CNST: variants seen among roughly 807,000 people sequenced by gnomAD.
CNST encodes consortin, connexin sorting protein.
A neutral mutation model predicts 72.4 loss-of-function variants in CNST; 39 were observed. The ratio of observed to expected loss-of-function variants is 0.54; its 90% CI spans 0.42 to 0.70. The LOEUF (loss-of-function observed/expected upper bound fraction) is 0.70, where lower values mean the gene tolerates loss of function less well. Ranked by LOEUF, CNST falls within the 30% of genes least tolerant of loss-of-function variation. The pLI, the probability that CNST is intolerant of heterozygous loss-of-function variation, is 0.00. For synonymous variants in CNST, 332 were observed against 320.1 expected, an observed-to-expected ratio of 1.04 and a Z score of -0.40; for missense variants, 871 against 868.5, an observed-to-expected ratio of 1.00 and a Z score of -0.04.
chr1:246,623,310 T>C (rs1664210331), intron 3 of CNST, among the ~76,000 whole-genome samples: 2 of 152,194 alleles, frequency 1.3e-5, no homozygotes, highest in Non-Finnish European at 2.9e-5. Context: ...ATTTGACTAA[T>C]TGTCAATGTG....
intron 1 of CNST, among the ~76,000 whole-genome samples, chr1:246,585,609 G>A (rs1169766205): frequency 9.0e-5 from 12 of 133,094 alleles, no homozygotes; most frequent in African/African-American, 2.0e-4. Flanking sequence ...TCACACCACT[G>A]CCTTCCAGCC....
In CNST at chr1:246,633,961, GTATC is replaced by G; in HGVS notation, c.655_658del (p.Tyr219MetfsTer30). The G allele has an allele frequency of 6.2e-7, 1 of 1,613,290 alleles. No homozygotes were observed. The highest frequency in any genetic ancestry group is 8.5e-7 in the Non-Finnish European group (1 of 1,179,288). ...TGAAATTCATTCAGCTAGAACGATT[GTATC>G]ATGAGCAATTGCTCGCAAATCTTTC... On this transcript the variant is annotated frameshift_variant, in exon 5 of 11. Coordinates refer to ENST00000366513, the MANE Select transcript of CNST (RefSeq NM_152609.3). LOFTEE classifies it high-confidence loss of function.
chr1:246,642,300 G>A (rs527767927), intron 8 of CNST, among the ~76,000 whole-genome samples: 1 of 152,048 alleles, frequency 6.6e-6, no homozygotes, highest in South Asian at 2.1e-4. Flanking sequence ...TATGTTTTCA[G>A]TAGGTGGTTA....
At chr1:246,636,853 T>G (rs549398834) in intron 6 of CNST, among the ~76,000 whole-genome samples, 177 of 152,100 alleles carry the variant, frequency 1.2e-3, no homozygotes, top group African/African-American at 4.1e-3. Flanking sequence ...TTGACATGAG[T>G]ATGGTGAGTG....
chr1:246,577,235 A>G (rs954045080), intron 1 of CNST, among the ~76,000 whole-genome samples: 1 of 152,036 alleles, frequency 6.6e-6, no homozygotes, highest in Non-Finnish European at 1.5e-5. Context: ...TTTCAACAGT[A>G]CAAGCAAACC....
intron 4 of CNST, among the ~76,000 whole-genome samples, chr1:246,633,447 T>TAAAAAAAAA (rs1664909116): frequency 2.5e-5 from 3 of 122,022 alleles, no homozygotes; most frequent in Admixed American, 8.9e-5. Context: ...AGACTGTGTC[T>TAAAAAAAAA]CAAAAAAAAA....
At chr1:246,647,021 T>C in intron 8 of CNST, 118 bp from the exon 9 acceptor site, 1 of 916,072 alleles carries the variant, frequency 1.1e-6, no homozygotes, top group Non-Finnish European at 1.6e-6. Flanking sequence ...ACAGACAGAA[T>C]TTCCATTTGA....
At chr1:246,615,236 C>T (rs181553392) in intron 2 of CNST, among the ~76,000 whole-genome samples, 10 of 152,242 alleles carry the variant, frequency 6.6e-5, no homozygotes, top group East Asian at 3.9e-4. Context: ...AGCGCAGTGG[C>T]GCGATCTCGG....
chr1:246,663,111 C>T (rs12089383), intron 10 of CNST, among the ~76,000 whole-genome samples: 2,008 of 152,106 alleles, frequency 0.013, 40 homozygotes, highest in African/African-American at 0.044. Context: ...GGGAAGCCTC[C>T]TCCCAAGTCT....
chr1:246,574,166 G>A (rs192445995), intron 1 of CNST, among the ~76,000 whole-genome samples: 23 of 151,882 alleles, frequency 1.5e-4, no homozygotes, highest in Admixed American at 9.8e-4. Context: ...CTCAGCCTCC[G>A]GAGTGGCTGG....
intron 1 of CNST, among the ~76,000 whole-genome samples, chr1:246,577,878 T>G (rs897194799): frequency 6.6e-6 from 1 of 152,110 alleles, no homozygotes; most frequent in Non-Finnish European, 1.5e-5. Flanking sequence ...TTTTTGGACT[T>G]TGCTGACTCG....
intron 10 of CNST, among the ~76,000 whole-genome samples, chr1:246,661,236 A>G (rs1331395623): frequency 1.3e-5 from 2 of 152,122 alleles, no homozygotes; most frequent in Admixed American, 6.5e-5. Flanking sequence ...TTGGCCTCCC[A>G]AAGTGCTAGG....
intron 1 of CNST, among the ~76,000 whole-genome samples, chr1:246,583,963 G>A (rs543899478): frequency 6.6e-6 from 1 of 152,112 alleles, no homozygotes; most frequent in Admixed American, 6.6e-5. Context: ...TTTTTAAGAG[G>A]CAAGGTCTTG....
intron 2 of CNST, among the ~76,000 whole-genome samples, chr1:246,599,123 A>G (rs1312918711): frequency 6.6e-6 from 1 of 152,098 alleles, no homozygotes; most frequent in Non-Finnish European, 1.5e-5. Flanking sequence ...TATAGAGTCA[A>G]ATAATTTCAC....
intron 10 of CNST, among the ~76,000 whole-genome samples, chr1:246,665,052 C>T (rs1667331410): frequency 6.6e-6 from 1 of 152,056 alleles, no homozygotes; most frequent in African/African-American, 2.4e-5. Context: ...CTTAGAACAG[C>T]CAGGCTGTAC....
At chr1:246,587,980 C>G (rs1446832214) in intron 1 of CNST, among the ~76,000 whole-genome samples, 1 of 151,892 alleles carries the variant, frequency 6.6e-6, no homozygotes, top group African/African-American at 2.4e-5. Flanking sequence ...GTTTTTTTCC[C>G]TTAGAATCAT....
chr1:246,597,304 T>G (rs1286505431), intron 2 of CNST, among the ~76,000 whole-genome samples: 1 of 152,212 alleles, frequency 6.6e-6, no homozygotes, highest in Non-Finnish European at 1.5e-5. Context: ...TTTTAGTATA[T>G]TCACAAAGTT....
At chr1:246,614,300 A>T (rs115631885) in intron 2 of CNST, among the ~76,000 whole-genome samples, 4 of 152,302 alleles carry the variant, frequency 2.6e-5, no homozygotes, top group African/African-American at 9.6e-5. Flanking sequence ...CTTTGACTGT[A>T]ACCTCTCACA....
chr1:246,612,141 T>C (rs1410371182), intron 2 of CNST, among the ~76,000 whole-genome samples: 1 of 152,164 alleles, frequency 6.6e-6, no homozygotes, highest in Non-Finnish European at 1.5e-5. Context: ...GAGTTTCTCT[T>C]TGGGAATGAT....
Sources: allele counts gnomAD v4.1 joint callset (sites outside exome capture counted in the v4.1 genomes callset), GRCh38; gene constraint gnomAD v4.1.1; transcripts MANE v1.5; gene names NCBI Gene and HGNC (gene_info 2026-07-23, HGNC 2026-07-21).